Variants in RFXAP observed in about 807,000 individuals in gnomAD.
RFXAP encodes regulatory factor X-associated protein.
A neutral mutation model predicts 25.7 loss-of-function variants in RFXAP; 21 were observed. The observed-to-expected ratio is 0.82, with a 90% CI of 0.58 to 1.18. The LOEUF (loss-of-function observed/expected upper bound fraction) is 1.18, where lower values mean the gene tolerates loss of function less well. Ranked by LOEUF, RFXAP falls within the 50% of genes most tolerant of loss-of-function variation. The pLI is 0.00. For synonymous variants in RFXAP, 161 were observed against 152.2 expected (o/e 1.06, Z -0.43); for missense variants, 333 against 363.0 (o/e 0.92, Z 0.67).
At position 36,819,490 on chromosome 13, in the gene RFXAP, A is replaced by G; in HGVS notation, c.133A>G (p.Thr45Ala). 6.5e-7 allele frequency: 1 copy of G among 1,542,882 alleles called. No homozygotes were observed. The highest frequency in any genetic ancestry group is 8.7e-7 in the Non-Finnish European group (1 of 1,144,158). Residue 45 changes from threonine (T) to alanine (A), a missense_variant, in exon 1 of 3, where the codon ACC becomes GCC. Coordinates refer to ENST00000255476, the MANE Select transcript of RFXAP (RefSeq NM_000538.4). ...GGTGGCGGCCGCGGCCTCTCAATTC[A>G]CCCTGCTAGTGATGCAACCCTGTGC... Reference protein sequence around the residue: ...ASVAAAASQFTLLVMQPCAGQ... With the variant: ...ASVAAAASQFALLVMQPCAGQ...
At chr13:36,821,530 G>A (rs1192606708) in intron 1 of RFXAP, among the ~76,000 whole-genome samples, 2 of 151,996 alleles carry the variant, frequency 1.3e-5, no homozygotes, top group African/African-American at 2.4e-5. Context: ...AGGTATGTTG[G>A]CACATGCCTG....
rs777965299 is a variant in RFXAP, at chr13:36,821,668, A to G, written c.600+1711A>G. Among the ~76,000 whole-genome samples the G allele has an allele frequency of 1.1e-4, 16 of 152,204 alleles. 1 individual carries two copies. Among genetic ancestry groups the G allele is most frequent in the African/African-American group, 2.9e-4 (12 of 41,452 alleles). On this transcript the variant is annotated intron_variant, in intron 1 of 2. Coordinates refer to ENST00000255476, the MANE Select transcript of RFXAP (RefSeq NM_000538.4). ...CAGAGCAAGACTTTGTCTCAAAAAC[A>G]AAAAGTATAATATTCTAAATATTTC... is the stretch of plus-strand genomic sequence containing the variant.
intron 2 of RFXAP, 97 bp from the exon 3 acceptor site, chr13:36,827,546 T>C (rs769316650): frequency 1.2e-5 from 10 of 859,254 alleles, no homozygotes; most frequent in Admixed American, 2.1e-5. Flanking sequence ...TGTGAACATA[T>C]TGTATCATAT....
At position 36,819,239 on chromosome 13, in the gene RFXAP, C is replaced by G; in HGVS notation, c.-119C>G. On this transcript the variant is annotated 5_prime_UTR_variant, in exon 1 of 3. Coordinates refer to ENST00000255476, the MANE Select transcript of RFXAP (RefSeq NM_000538.4). ...GGTCGCGCAGGCGCAGTCGGGGCGC[C>G]TTCCCGGTATAGGCGCCTTTTACCC... 1 of 1,080,136 alleles carries G rather than the reference C, an allele frequency of 9.3e-7. No individual in the cohort carries two copies. The highest frequency in any genetic ancestry group is 1.2e-6 in the Non-Finnish European group (1 of 855,852). 66.9% of individuals were successfully genotyped at this position (1,080,136 alleles called of 1,614,324 possible). A position where few individuals can be genotyped will look rare whatever the true frequency, so the allele number is the denominator to read the frequency against.
chr13:36,819,670 G>A lies in RFXAP; in HGVS notation c.313G>A (p.Ala105Thr), dbSNP rs2057955306. 6.5e-7 allele frequency: 1 copy of A among 1,548,842 alleles called. No individual in the cohort carries two copies. Among genetic ancestry groups the A allele is most frequent in the East Asian group, 2.4e-5 (1 of 40,852 alleles). The stretch of plus-strand genomic sequence containing the variant: ...GGACCCTCCGGGGGGAGGCGAGAGC[G>A]CGGCTAGTTTGGAGGATCTAGAGGA... Reference protein sequence around the residue: ...TSDPPGGGESAASLEDLEDEE... With the variant: ...TSDPPGGGESTASLEDLEDEE... The change falls in exon 1 of 3, where the codon GCG (alanine) becomes ACG (threonine). Residue 105 changes from alanine to threonine, a missense_variant. Ala to Thr is a moderately conservative substitution (Grantham distance 58). Coordinates refer to ENST00000255476, the MANE Select transcript of RFXAP (RefSeq NM_000538.4).
rs1669563656 is a variant in RFXAP at position 36,819,255 on chromosome 13, C to T, written c.-103C>T. ...TCGGGGCGCCTTCCCGGTATAGGCG[C>T]CTTTTACCCCAGCGTGTCCTGAGTC... is the stretch of plus-strand genomic sequence containing the variant. On this transcript the variant is annotated 5_prime_UTR_variant, in exon 1 of 3. Transcript: ENST00000255476. 1.7e-6 allele frequency: 2 copies of T among 1,152,886 alleles called. No individual in the cohort carries two copies. Among genetic ancestry groups the T allele is most frequent in the Non-Finnish European group, 2.2e-6 (2 of 921,554 alleles). 71.4% of individuals were successfully genotyped at this position (1,152,886 alleles called of 1,614,324 possible).
rs139317535 is a variant in RFXAP, at chr13:36,822,613, C to G, written c.600+2656C>G. On this transcript the variant is annotated intron_variant, in intron 1 of 2. Coordinates refer to ENST00000255476, the MANE Select transcript of RFXAP (RefSeq NM_000538.4). The stretch of plus-strand genomic sequence containing the variant: ...CTCACAGTGTTGCCCAGGCTGGCCT[C>G]GAATTCCTGGGCTCAAGTGATCCTC... Among the ~76,000 whole-genome samples the G allele has an allele frequency of 4.2e-3, 636 of 152,172 alleles. 6 individuals are homozygous for G. Among genetic ancestry groups the G allele is most frequent in the African/African-American group, 0.014 (578 of 41,508 alleles).
rs866409620 is a variant in RFXAP at position 36,825,499 on chromosome 13, T to C, written c.672T>C (p.Pro224=). ...CTTTTGGGGATCGTCCTGCAAGACC[T>C]ACTCTTTTAGAACAAGTGTTAAATC... ...TGSFGDRPAR[P]TLLEQVLNQK... Residue 224 remains proline (P), a synonymous_variant, in exon 2 of 3, where the codon CCT becomes CCC. Coordinates refer to ENST00000255476, the MANE Select transcript of RFXAP (RefSeq NM_000538.4). 6.8e-6 allele frequency: 11 copies of C among 1,612,472 alleles called. No homozygotes were observed. The highest frequency in any genetic ancestry group is 1.1e-5 in the South Asian group (1 of 91,074).
chr13:36,822,860 A>G (rs1189962176), intron 1 of RFXAP, among the ~76,000 whole-genome samples: 1 of 152,208 alleles, frequency 6.6e-6, no homozygotes, highest in Non-Finnish European at 1.5e-5. Context: ...ACTGAGTGTA[A>G]AGAAAATAAC....
In RFXAP at chr13:36,827,661, G is replaced by T; in HGVS notation, c.727G>T (p.Glu243Ter). The T allele has an allele frequency of 6.2e-7, 1 of 1,613,608 alleles. No individual in the cohort carries two copies. The highest frequency in any genetic ancestry group is 8.5e-7 in the Non-Finnish European group (1 of 1,179,728). The change falls in exon 3 of 3, where the codon GAA (glutamate) becomes TAA (stop). Residue 243 changes from glutamate to a stop codon, truncating the protein, a stop_gained. Transcript: ENST00000255476. LOFTEE classifies it high-confidence loss of function. ...TTCTAAGTCGTTACTAAGAAGTCCAGAAGTAGTGCAATTTTTACAGAAACA... is the reference window on the plus strand; with the variant it reads ...TTCTAAGTCGTTACTAAGAAGTCCATAAGTAGTGCAATTTTTACAGAAACA... ...QKRLSLLRSP[E>*]VVQFLQKQQQ...
In RFXAP at chr13:36,819,442, G is replaced by A; in HGVS notation, c.85G>A (p.Ala29Thr). The change falls in exon 1 of 3, where the codon GCT becomes ACT. Residue 29 changes from alanine to threonine, a missense_variant. By Grantham distance (58) the Ala-to-Thr change is moderately conservative. Coordinates refer to ENST00000255476, the MANE Select transcript of RFXAP (RefSeq NM_000538.4). ...CCCCGCGGCCCTAGCCCCGGCTGCG[G>A]CTCCCACCTTGGCGCCAGCCTCGGT... ...PHPAALAPAA[A>T]PTLAPASVAA... 6.1e-6 allele frequency: 9 copies of A among 1,483,460 alleles called. No homozygotes were observed. Among genetic ancestry groups the A allele is most frequent in the Non-Finnish European group, 8.1e-6 (9 of 1,117,106 alleles). 91.9% of individuals were successfully genotyped at this position (1,483,460 alleles called of 1,614,324 possible).
Position 36,825,444 on chromosome 13 carries a change from T to C in RFXAP, c.617T>C (p.Ile206Thr), listed in dbSNP as rs2057975013. 6.2e-7 allele frequency: 1 copy of C among 1,611,732 alleles called. No individual in the cohort carries two copies. The highest frequency in any genetic ancestry group is 1.7e-5 in the Admixed American group (1 of 60,008). The change falls in exon 2 of 3, where the codon ATA becomes ACA. Residue 206 changes from isoleucine to threonine, a missense_variant. Transcript: ENST00000255476. ...NVKLEESADNILSIVKQRTGS... is the reference protein window; with the variant it reads ...NVKLEESADNTLSIVKQRTGS... ...TTATCCCAGGAAAGTGCAGATAACA[T>C]ACTCTCCATTGTTAAACAAAGAACA...
Position 36,825,649 on chromosome 13 carries a change from A to C in RFXAP, c.708+114A>C, listed in dbSNP as rs1593532223. ...ATGACATCACACTATACATCAAAAT[A>C]AATTCCTAATAAGTCAAAATTTTAA... On this transcript the variant is annotated intron_variant, in intron 2 of 2. Coordinates refer to ENST00000255476, the MANE Select transcript of RFXAP (RefSeq NM_000538.4). The C allele has an allele frequency of 1.2e-5, 8 of 642,806 alleles. No individual in the cohort carries two copies. In the East Asian group the frequency reaches 2.3e-4, roughly 19 times the overall value. 39.8% of individuals were successfully genotyped at this position (642,806 alleles called of 1,614,324 possible).
At chr13:36,827,556 T>C in intron 2 of RFXAP, 87 bp from the exon 3 acceptor site, 1 of 939,352 alleles carries the variant, frequency 1.1e-6, no homozygotes, top group Non-Finnish European at 1.7e-6. Context: ...TTGTATCATA[T>C]GTAGGGACAC....
Position 36,827,953 on chromosome 13 carries a change from G to C in RFXAP, c.*200G>C, listed in dbSNP as rs139651061. 2.1e-5 allele frequency: 12 copies of C among 559,334 alleles called. No individual in the cohort carries two copies. In the African/African-American group the frequency reaches 2.3e-4, roughly 11 times the overall value. 34.6% of individuals were successfully genotyped at this position (559,334 alleles called of 1,614,324 possible). On this transcript the variant is annotated 3_prime_UTR_variant, in exon 3 of 3. Transcript: ENST00000255476. Reference sequence around the variant, plus strand: ...TTCAGATTACTGTGAGTTTGAAGAAGTCAGCTTATCTTTCCAAATAACATT... The same window carrying C: ...TTCAGATTACTGTGAGTTTGAAGAACTCAGCTTATCTTTCCAAATAACATT...
intron 2 of RFXAP, among the ~76,000 whole-genome samples, chr13:36,826,618 T>G (rs899632346): frequency 6.6e-6 from 1 of 152,132 alleles, no homozygotes; most frequent in Non-Finnish European, 1.5e-5. Flanking sequence ...CATAAAGGTA[T>G]TGCCAGGAAT....
In RFXAP at chr13:36,819,462, C is replaced by A; in HGVS notation, c.105C>A (p.Ala35=). The A allele has an allele frequency of 6.6e-7, 1 of 1,513,854 alleles. No homozygotes were observed. The highest frequency in any genetic ancestry group is 8.8e-7 in the Non-Finnish European group (1 of 1,130,678). The allele number at this position is 1,513,854 out of a possible 1,614,324, so 93.8% of individuals were successfully genotyped here. A position where few individuals can be genotyped will look rare whatever the true frequency, so the allele number is the denominator to read the frequency against. The change falls in exon 1 of 3, where the codon GCC becomes GCA. Residue 35 remains alanine, a synonymous_variant. Coordinates refer to ENST00000255476, the MANE Select transcript of RFXAP (RefSeq NM_000538.4). ...CTGCGGCTCCCACCTTGGCGCCAGC[C>A]TCGGTGGCGGCCGCGGCCTCTCAAT... ...APAAAPTLAP[A]SVAAAASQFT... is the part of the protein sequence containing the mutation.
chr13:36,820,412 T>C (rs1022457673), intron 1 of RFXAP, among the ~76,000 whole-genome samples: 2 of 152,212 alleles, frequency 1.3e-5, no homozygotes, highest in African/African-American at 2.4e-5. Context: ...TTTAGTACTT[T>C]GTTTTTAGTG....
At position 36,825,532 on chromosome 13, in the gene RFXAP, A is replaced by C. The variant is rs773058253; in HGVS notation, c.705A>C (p.Arg235Ser). ...TAGAACAAGTGTTAAATCAAAAAAG[A>C]CTGGTAAATATCTGTTTGTAAATCA... ...TLLEQVLNQK[R>S]LSLLRSPEVV... The change falls in exon 2 of 3, where the codon AGA becomes AGC. Residue 235 changes from arginine to serine, a missense_variant. Physicochemically the swap from Arg to Ser is moderately radical, Grantham distance 110. Transcript: ENST00000255476. 1 of 1,592,072 alleles carries C rather than the reference A, an allele frequency of 6.3e-7. No individual in the cohort carries two copies. The highest frequency in any genetic ancestry group is 8.6e-7 in the Non-Finnish European group (1 of 1,161,948).
Sources: allele counts gnomAD v4.1 joint callset (sites outside exome capture counted in the v4.1 genomes callset), GRCh38; gene constraint gnomAD v4.1.1; transcripts MANE v1.5; gene names NCBI Gene and HGNC (gene_info 2026-07-23, HGNC 2026-07-21).